Variants in RAD17 observed in about 807,000 individuals in gnomAD.
The protein encoded by RAD17 is cell cycle checkpoint protein RAD17.
RAD17 carries 31 observed loss-of-function variants against 81.5 expected under a neutral mutation model. The ratio of observed to expected loss-of-function variants is 0.38; its 90% CI spans 0.29 to 0.51. RAD17 has a LOEUF of 0.51. RAD17 is among the 20% of genes least tolerant of loss of function. The probability of loss-of-function intolerance (pLI) is 0.88; values close to 1 mark genes in which losing one functional copy is unlikely to be tolerated. For synonymous variants in RAD17, 261 were observed against 266.2 expected, an observed-to-expected ratio of 0.98 and a Z score of 0.19; for missense variants, 681 against 781.2, an observed-to-expected ratio of 0.87 and a Z score of 1.53.
chr5:69,374,243 A>G (rs1170765532), intron 5 of RAD17, among the ~76,000 whole-genome samples, 156 bp downstream of exon 5: 2 of 152,174 alleles, frequency 1.3e-5, no homozygotes, highest in Non-Finnish European at 2.9e-5. Context: ...TCCAAGGCTT[A>G]GATTTTTCTC....
At position 69,410,965 on chromosome 5, in the gene RAD17, C is replaced by CTATATATATATATATATA. The variant is rs1554044686; in HGVS notation, c.1751+430_1751+447dup. On this transcript the variant is annotated intron_variant, in intron 18 of 18. Coordinates refer to ENST00000354868, the MANE Select transcript of RAD17 (RefSeq NM_133338.3). ...AAACAAGCAAAAAATAGATGTCTGT[C>CTATATATATATATATATA]TATATATATATATATATATATATAT... Among the ~76,000 whole-genome samples the CTATATATATATATATATA allele has an allele frequency of 9.2e-4, 83 of 90,206 alleles. 2 individuals are homozygous for CTATATATATATATATATA. Among genetic ancestry groups the CTATATATATATATATATA allele is most frequent in the African/African-American group, 2.2e-3 (44 of 20,234 alleles). 59.2% of individuals were successfully genotyped at this position (90,206 alleles called of 152,430 possible). A position where few individuals can be genotyped will look rare whatever the true frequency, so the allele number is the denominator to read the frequency against.
chr5:69,386,612 A>G, intron 11 of RAD17, 147 bp downstream of exon 11: 1 of 1,034,178 alleles, frequency 9.7e-7, no homozygotes. Context: ...TAGCAAATGT[A>G]GGAAATACTG....
intron 13 of RAD17, chr5:69,392,746 A>G (rs1318074526): frequency 9.2e-6 from 4 of 436,698 alleles, no homozygotes; most frequent in East Asian, 1.5e-4. Flanking sequence ...CCTCCCCAAC[A>G]TACGTTTATC....
chr5:69,372,087 T>C lies in RAD17; in HGVS notation c.-122T>C. The C allele has an allele frequency of 1.4e-6, 2 of 1,418,080 alleles. No individual in the cohort carries two copies. The highest frequency in any genetic ancestry group is 1.9e-6 in the Non-Finnish European group (2 of 1,054,304). The allele number at this position is 1,418,080 out of a possible 1,614,324, so 87.8% of individuals were successfully genotyped here. A position where few individuals can be genotyped will look rare whatever the true frequency, so the allele number is the denominator to read the frequency against. Reference sequence around the variant, plus strand: ...ATGAAACTATAAAATGTATAAATAATTTGCAAATCAGAATTGCTGTCGAAA... The same window carrying C: ...ATGAAACTATAAAATGTATAAATAACTTGCAAATCAGAATTGCTGTCGAAA... On this transcript the variant is annotated 5_prime_UTR_variant, in exon 4 of 19. Transcript: ENST00000354868.
chr5:69,382,741 A>G (rs950264226), intron 7 of RAD17, among the ~76,000 whole-genome samples: 3 of 152,356 alleles, frequency 2.0e-5, no homozygotes, highest in Middle Eastern at 3.4e-3. Flanking sequence ...AAAGACAAAG[A>G]TGTCTTTGGA....
intron 17 of RAD17, among the ~76,000 whole-genome samples, chr5:69,400,889 G>A (rs1006768804): frequency 1.3e-5 from 2 of 150,906 alleles, no homozygotes; most frequent in African/African-American, 4.9e-5. Flanking sequence ...AGCCAAGATC[G>A]CACACCTGCA....
At chr5:69,382,859 G>A (rs1763941494) in intron 7 of RAD17, among the ~76,000 whole-genome samples, 1 of 152,042 alleles carries the variant, frequency 6.6e-6, no homozygotes, top group African/African-American at 2.4e-5. Flanking sequence ...CCAGGCTGGA[G>A]TACAACCTCT....
In RAD17 at chr5:69,386,173, A is replaced by G; in HGVS notation, c.699-7A>G. The G allele has an allele frequency of 6.2e-7, 1 of 1,602,114 alleles. No individual in the cohort carries two copies. Among genetic ancestry groups the G allele is most frequent in the Non-Finnish European group, 8.5e-7 (1 of 1,174,446 alleles). ...AATTTCAACATTGCTGTATTTTGTTATTTTAGGAAGTATGTGAGGATTGGT... is the reference window on the plus strand; with the variant it reads ...AATTTCAACATTGCTGTATTTTGTTGTTTTAGGAAGTATGTGAGGATTGGT... On this transcript the variant is annotated splice_polypyrimidine_tract_variant and splice_region_variant and intron_variant, in intron 9 of 18. Coordinates refer to ENST00000354868, the MANE Select transcript of RAD17 (RefSeq NM_133338.3).
At chr5:69,409,606 G>C (rs1765841460) in intron 17 of RAD17, among the ~76,000 whole-genome samples, 2 of 152,138 alleles carry the variant, frequency 1.3e-5, no homozygotes, top group Admixed American at 1.3e-4. Context: ...CTTTGGGAGT[G>C]GGTACACAAG....
intron 16 of RAD17, among the ~76,000 whole-genome samples, chr5:69,396,879 C>A (rs1302971487): frequency 1.3e-5 from 2 of 152,074 alleles, no homozygotes; most frequent in Non-Finnish European, 2.9e-5. Flanking sequence ...TTTGCCCAGG[C>A]TGGAATGCAA....
rs1763831635 is a variant in RAD17 at position 69,381,158 on chromosome 5, CTT to C, written c.352-742_352-741del. 2.0e-5 allele frequency among the ~76,000 whole-genome samples: 3 copies of C among 152,028 alleles called. No homozygotes were observed. The South Asian group carries it at 6.2e-4, about 32-fold the overall frequency. ...GAATATTGTATTTGTATAACAGTAA[CTT>C]ATATCATCCAATGAGATGTCTATAT... On this transcript the variant is annotated intron_variant, in intron 6 of 18. Coordinates refer to ENST00000354868, the MANE Select transcript of RAD17 (RefSeq NM_133338.3).
At chr5:69,408,653 G>A (rs1765784467) in intron 17 of RAD17, among the ~76,000 whole-genome samples, 1 of 151,804 alleles carries the variant, frequency 6.6e-6, no homozygotes, top group Non-Finnish European at 1.5e-5. Context: ...TGGGACTACA[G>A]GCATGTGCCA....
chr5:69,371,997 TACTTA>T (rs1303594970), intron 3 of RAD17, 32 bp from the exon 4 acceptor site: 2 of 1,123,644 alleles, frequency 1.8e-6, no homozygotes, highest in Non-Finnish European at 2.3e-6. Context: ...TTAAGTAAGT[TACTTA>T]ACTTTGCTGT....
chr5:69,396,089 T>C (rs926523053), intron 15 of RAD17, among the ~76,000 whole-genome samples: 5 of 152,202 alleles, frequency 3.3e-5, no homozygotes, highest in African/African-American at 1.2e-4. Context: ...CCAGAGAAAC[T>C]TCACACTAAT....
intron 18 of RAD17, 50 bp downstream of exon 18, chr5:69,410,600 G>A: frequency 6.7e-7 from 1 of 1,494,388 alleles, no homozygotes; most frequent in Non-Finnish European, 9.3e-7. Context: ...AATGTCTACT[G>A]AATATGTTCA....
At chr5:69,399,351 G>C (rs947982816) in intron 16 of RAD17, among the ~76,000 whole-genome samples, 7 of 152,180 alleles carry the variant, frequency 4.6e-5, no homozygotes, top group African/African-American at 1.7e-4. Flanking sequence ...GATGAGAGTA[G>C]TAGGCACCAC....
At chr5:69,391,229 CAAAA>C (rs34553672) in intron 12 of RAD17, among the ~76,000 whole-genome samples, 3 of 110,128 alleles carry the variant, frequency 2.7e-5, no homozygotes, top group East Asian at 2.6e-4. Context: ...GACTCCATCT[CAAAA>C]AAAAAAAAAA....
At chr5:69,389,167 A>T (rs766502723) in intron 12 of RAD17, 22 bp downstream of exon 12, 12 of 1,422,834 alleles carry the variant, frequency 8.4e-6, no homozygotes, top group Non-Finnish European at 1.2e-5. Context: ...AGATACAGTC[A>T]TGTGGCATTA....
chr5:69,396,545 A>G lies in RAD17; in HGVS notation c.1571A>G (p.Lys524Arg). ...CCTCAGTGGTTTCTAATAAATAAAAAGGTAAAAAAAAAAAAAAAAATTCTG... is the reference window on the plus strand; with the variant it reads ...CCTCAGTGGTTTCTAATAAATAAAAGGGTAAAAAAAAAAAAAAAAATTCTG... ...HKPQWFLINK[K>R]YRENCLAAKA... Residue 524 changes from lysine to arginine, a missense_variant and splice_region_variant, in exon 16 of 19, where the codon AAG becomes AGG. Physicochemically the swap from Lys to Arg is conservative, Grantham distance 26 (BLOSUM62 2). Coordinates refer to ENST00000354868, the MANE Select transcript of RAD17 (RefSeq NM_133338.3). 1 of 1,406,458 alleles carries G rather than the reference A, an allele frequency of 7.1e-7. No individual in the cohort carries two copies. Among genetic ancestry groups the G allele is most frequent in the Non-Finnish European group, 9.2e-7 (1 of 1,088,818 alleles). The allele number at this position is 1,406,458 out of a possible 1,614,324, so 87.1% of individuals were successfully genotyped here.
Sources: gnomAD v4.1 joint callset for allele counts (sites outside exome capture counted in the v4.1 genomes callset) on GRCh38, gnomAD v4.1.1 for gene constraint, MANE v1.5 for transcripts, NCBI Gene and HGNC (gene_info 2026-07-23, HGNC 2026-07-21) for gene names.